The following RAP1GAP2 variants were observed in gnomAD, a reference collection of about 807,000 sequenced individuals.
The protein encoded by RAP1GAP2 is rap1 GTPase-activating protein 2.
RAP1GAP2 carries 27 observed loss-of-function variants against 95.0 expected under a neutral mutation model. The ratio of observed to expected loss-of-function variants is 0.28; its 90% confidence interval spans 0.21 to 0.39. The LOEUF (loss-of-function observed/expected upper bound fraction) is 0.39. Among genes scored for constraint, RAP1GAP2 ranks in the 10% least tolerant of loss-of-function variants. RAP1GAP2 has a pLI of 1.00. For synonymous variants in RAP1GAP2, 373 were observed against 380.9 expected (o/e 0.98, Z 0.24); for missense variants, 771 against 970.0 (o/e 0.79, Z 2.72).
chr17:2,816,318 C>G (rs1293790932), intron 2 of RAP1GAP2, among the ~76,000 whole-genome samples: 1 of 151,334 alleles, frequency 6.6e-6, no homozygotes, highest in Non-Finnish European at 1.5e-5. Flanking sequence ...CATTTTTTCT[C>G]ATTTTCATCA....
chr17:2,973,835 GA>G (rs1310421679), intron 8 of RAP1GAP2, among the ~76,000 whole-genome samples: 1 of 152,186 alleles, frequency 6.6e-6, no homozygotes, highest in Admixed American at 6.5e-5. Context: ...CCGTGCTGCT[GA>G]AAGTGATTTA....
At chr17:2,893,638 G>T (rs1176186193) in intron 2 of RAP1GAP2, among the ~76,000 whole-genome samples, 2 of 152,244 alleles carry the variant, frequency 1.3e-5, no homozygotes, top group African/African-American at 2.4e-5. Flanking sequence ...CCCGGCTTTT[G>T]TGAGTGGTTT....
intron 4 of RAP1GAP2, among the ~76,000 whole-genome samples, chr17:2,959,461 C>G (rs1747427075): frequency 6.6e-6 from 1 of 152,184 alleles, no homozygotes; most frequent in South Asian, 2.1e-4. Context: ...CCATGTGCCC[C>G]CTGGGCCCAG....
At chr17:2,889,680 AT>A (rs66922781) in intron 2 of RAP1GAP2, among the ~76,000 whole-genome samples, 41,063 of 108,384 alleles carry the variant, frequency 0.38, 7,244 homozygotes, top group East Asian at 0.49. Context: ...TCTGCGCTGG[AT>A]TTTTTTTTTT....
chr17:2,974,223 C>T (rs979633481), intron 8 of RAP1GAP2, among the ~76,000 whole-genome samples: 2 of 151,280 alleles, frequency 1.3e-5, no homozygotes, highest in Non-Finnish European at 2.9e-5. Context: ...GTGGCAGGCG[C>T]CTGTAGTCCC....
chr17:2,960,353 C>T lies in RAP1GAP2; in HGVS notation c.202-2317C>T, dbSNP rs185370718. On this transcript the variant is annotated intron_variant, in intron 4 of 24. Transcript: ENST00000254695. ...GACTCCTGCCCTCACTGCCCCCACC[C>T]GCCATCTGCCCAGTTTGCCAGCTGG... Among the ~76,000 whole-genome samples, 736 of 152,250 alleles carry T rather than the reference C, an allele frequency of 4.8e-3. 4 individuals are homozygous for T. Among genetic ancestry groups the T allele is most frequent in the African/African-American group, 0.016 (668 of 41,556 alleles).
chr17:2,810,400 G>T (rs574680720), intron 2 of RAP1GAP2, among the ~76,000 whole-genome samples: 1 of 150,576 alleles, frequency 6.6e-6, no homozygotes, highest in Admixed American at 6.6e-5. Flanking sequence ...TAGGGTACAT[G>T]TGCACAACAT....
intron 2 of RAP1GAP2, among the ~76,000 whole-genome samples, chr17:2,850,642 C>T (rs2071800685): frequency 1.4e-5 from 2 of 145,226 alleles, no homozygotes; most frequent in African/African-American, 5.2e-5. Flanking sequence ...CCCAGCTACT[C>T]GGGAGGCTGA....
intron 2 of RAP1GAP2, among the ~76,000 whole-genome samples, chr17:2,838,482 G>C (rs9915696): frequency 0.18 from 27,801 of 152,030 alleles, 2,661 homozygotes; most frequent in African/African-American, 0.21. Context: ...GCTCTTTGGA[G>C]AGTTGGGATG....
At chr17:2,914,061 C>T (rs552707826) in intron 3 of RAP1GAP2, among the ~76,000 whole-genome samples, 29 of 151,940 alleles carry the variant, frequency 1.9e-4, no homozygotes, top group African/African-American at 6.3e-4. Flanking sequence ...TTAATAGGGA[C>T]GGGGTTTCAC....
intron 22 of RAP1GAP2, among the ~76,000 whole-genome samples, chr17:3,030,472 G>A (rs887126669): frequency 6.6e-6 from 1 of 152,154 alleles, no homozygotes; most frequent in Non-Finnish European, 1.5e-5. Context: ...TTTCTGTGGT[G>A]TAAATACACT....
intron 8 of RAP1GAP2, among the ~76,000 whole-genome samples, chr17:2,972,845 A>G (rs1035794214): frequency 6.6e-6 from 1 of 152,192 alleles, no homozygotes; most frequent in East Asian, 1.9e-4. Flanking sequence ...CCAAGGCTTA[A>G]TATATGCCGG....
At position 2,784,522 on chromosome 17, in the gene RAP1GAP2, C is replaced by T. The variant is rs181848083; in HGVS notation, c.-14+7244C>T. Among the ~76,000 whole-genome samples, 313 of 152,266 alleles carry T rather than the reference C, an allele frequency of 2.1e-3. 2 individuals carry two copies. The highest frequency in any genetic ancestry group is 7.1e-3 in the African/African-American group (296 of 41,552). ...CTGACCTCAAGTGATCCGCCCGACT[C>T]GGCATCCCAAAGTGCTGGGATTACA... On this transcript the variant is annotated intron_variant, in intron 1 of 24. Coordinates refer to the RAP1GAP2 transcript ENST00000540393.
chr17:2,896,239 G>T (rs1335439191), intron 2 of RAP1GAP2, among the ~76,000 whole-genome samples: 1 of 152,180 alleles, frequency 6.6e-6, no homozygotes, highest in African/African-American at 2.4e-5. Context: ...TCTGCATTTT[G>T]CCCGGATCAT....
intron 20 of RAP1GAP2, 66 bp from the exon 21 acceptor site, chr17:3,026,284 G>A: frequency 7.0e-7 from 1 of 1,422,892 alleles, no homozygotes; most frequent in East Asian, 2.5e-5. Context: ...AGGTCCCGGG[G>A]AGGACCCTGG....
Position 2,870,835 on chromosome 17 carries a change from C to G in RAP1GAP2, c.81-34449C>G, listed in dbSNP as rs1466103292. Among the ~76,000 whole-genome samples the G allele has an allele frequency of 6.6e-6, 1 of 152,212 alleles. No homozygotes were observed. Among genetic ancestry groups the G allele is most frequent in the African/African-American group, 2.4e-5 (1 of 41,458 alleles). On this transcript the variant is annotated intron_variant, in intron 2 of 24. Coordinates refer to ENST00000254695, the MANE Select transcript of RAP1GAP2 (RefSeq NM_015085.5). This position sits in a 1 kb window ranked among gnomAD's most constrained non-coding sequence, Gnocchi z 4.4. Reference sequence around the variant, plus strand: ...TGGATCCAGGGGCATTGGCAGAACTCCTCTCTGTCTCGTCACTGTGTCTCT... The same window carrying G: ...TGGATCCAGGGGCATTGGCAGAACTGCTCTCTGTCTCGTCACTGTGTCTCT...
intron 1 of RAP1GAP2, among the ~76,000 whole-genome samples, chr17:2,765,251 G>T (rs1005380863): frequency 1.3e-5 from 2 of 152,184 alleles, no homozygotes; most frequent in African/African-American, 4.8e-5. Flanking sequence ...TGATGTTGCT[G>T]CCTGTCTTCT....
intron 2 of RAP1GAP2, among the ~76,000 whole-genome samples, chr17:2,859,291 A>T (rs1340687891): frequency 6.6e-6 from 1 of 151,300 alleles, no homozygotes; most frequent in Non-Finnish European, 1.5e-5. Context: ...TTGTATTTTT[A>T]GTAGAGATGG....
chr17:2,935,416 A>T (rs1312638067), intron 3 of RAP1GAP2, among the ~76,000 whole-genome samples: 1 of 152,140 alleles, frequency 6.6e-6, no homozygotes, highest in Non-Finnish European at 1.5e-5. Flanking sequence ...CTGAGGCAGG[A>T]TAATTGCTTG....
Sources: allele counts gnomAD v4.1 joint callset (sites outside exome capture counted in the v4.1 genomes callset), GRCh38; gene constraint gnomAD v4.1.1; non-coding constraint Gnocchi (gnomAD v3.1); transcripts MANE v1.5; gene names NCBI Gene and HGNC (gene_info 2026-07-23, HGNC 2026-07-21).